Variants in SPATA13 observed in about 807,000 individuals in gnomAD.
SPATA13 encodes the protein spermatogenesis-associated protein 13.
Under a neutral mutation model 104.0 loss-of-function variants are expected in SPATA13, and 50 were observed. The ratio of observed to expected loss-of-function variants is 0.48; its 90% CI spans 0.38 to 0.61. SPATA13 has a LOEUF of 0.61. SPATA13 is among the 20% of genes least tolerant of loss of function. The pLI, the probability that SPATA13 is intolerant of heterozygous loss-of-function variation, is 0.00. For missense variants in SPATA13, 1,524 were observed against 1,690.6 expected, an observed-to-expected ratio of 0.90 and a Z score of 1.73; for synonymous variants, 606 against 667.5, an observed-to-expected ratio of 0.91 and a Z score of 1.42.
At chr13:24,029,086 T>A (rs1877360952) in intron 3 of SPATA13, among the ~76,000 whole-genome samples, 1 of 152,154 alleles carries the variant, frequency 6.6e-6, no homozygotes, top group Non-Finnish European at 1.5e-5. Flanking sequence ...ATTATCGAAT[T>A]TATTTTTAAT....
At chr13:24,142,155 T>C (rs923847324) in intron 3 of SPATA13, among the ~76,000 whole-genome samples, 6 of 149,088 alleles carry the variant, frequency 4.0e-5, no homozygotes, top group African/African-American at 1.5e-4. Flanking sequence ...GACAGAGGGG[T>C]CTTATGTATC....
rs376630392 is a variant in SPATA13 at position 24,082,648 on chromosome 13, G to A, written c.-112+64947G>A. 1.2e-3 allele frequency among the ~76,000 whole-genome samples: 178 copies of A among 150,540 alleles called. 5 individuals are homozygous for A. The East Asian group carries it at 0.026, about 22-fold the overall frequency. Reference sequence around the variant, plus strand: ...ATCCTGGCTAACAAGGTGAAACCCCGTCTCTACTAAAAATACAAAAAATTA... The same window carrying A: ...ATCCTGGCTAACAAGGTGAAACCCCATCTCTACTAAAAATACAAAAAATTA... On this transcript the variant is annotated intron_variant, in intron 3 of 14. Coordinates refer to the SPATA13 transcript ENST00000424834.
At position 24,294,724 on chromosome 13, in the gene SPATA13, C is replaced by T. The variant is rs200954083; in HGVS notation, c.3081-15C>T. On this transcript the variant is annotated splice_polypyrimidine_tract_variant and intron_variant, in intron 9 of 12. Transcript: ENST00000382108. ...GTGCATGTTATGTGATTAAAATTAACCTCCCATCTTGCAGTGATTACAGCA... is the reference window on the plus strand; with the variant it reads ...GTGCATGTTATGTGATTAAAATTAATCTCCCATCTTGCAGTGATTACAGCA... The T allele has an allele frequency of 1.9e-6, 3 of 1,570,076 alleles. No homozygotes were observed. The African/African-American group carries it at 4.0e-5, about 21-fold the overall frequency.
At position 24,060,757 on chromosome 13, in the gene SPATA13, A is replaced by G. The variant is rs115013593; in HGVS notation, c.-112+43056A>G. ...CAAATTTAGAAGAGAAAAGCAAACA[A>G]CTCCATTAAAAATGGACAAATGCGG... On this transcript the variant is annotated intron_variant, in intron 3 of 14. Transcript: ENST00000424834. Among the ~76,000 whole-genome samples, 770 of 152,154 alleles carry G rather than the reference A, an allele frequency of 5.1e-3. 10 individuals carry two copies. The highest frequency in any genetic ancestry group is 0.018 in the African/African-American group (738 of 41,508).
chr13:24,019,406 A>G lies in SPATA13; in HGVS notation c.-112+1705A>G, dbSNP rs1876875004. On this transcript the variant is annotated intron_variant, in intron 3 of 14. Transcript: ENST00000424834. The stretch of plus-strand genomic sequence containing the variant: ...CCCGGCCATGATTCTTATTTATAAA[A>G]GAAAAACAGTATATAGTTTTATACT... Among the ~76,000 whole-genome samples the G allele has an allele frequency of 1.3e-5, 2 of 152,220 alleles. 1 individual carries two copies. Among genetic ancestry groups the G allele is most frequent in the South Asian group, 4.1e-4 (2 of 4,838 alleles).
intron 2 of SPATA13, among the ~76,000 whole-genome samples, chr13:24,016,161 A>G (rs1486820026): frequency 6.6e-6 from 1 of 151,952 alleles, no homozygotes; most frequent in African/African-American, 2.4e-5. Context: ...ACCTGCCCGG[A>G]ATTGTGTTTG....
chr13:24,298,447 A>C (rs1876946373), intron 11 of SPATA13, among the ~76,000 whole-genome samples: 1 of 152,152 alleles, frequency 6.6e-6, no homozygotes, highest in Non-Finnish European at 1.5e-5. Flanking sequence ...GCTGACCTGG[A>C]GGTGCAGTGT....
At chr13:23,999,523 G>T (rs1284747947) in intron 2 of SPATA13, among the ~76,000 whole-genome samples, 1 of 152,182 alleles carries the variant, frequency 6.6e-6, no homozygotes, top group African/African-American at 2.4e-5. Flanking sequence ...AACAGCAGGT[G>T]ATAGTTTTAA....
intron 2 of SPATA13, among the ~76,000 whole-genome samples, chr13:24,005,245 CTG>C (rs1876169595): frequency 6.6e-6 from 1 of 152,136 alleles, no homozygotes; most frequent in South Asian, 2.1e-4. Flanking sequence ...CATTTGAAAA[CTG>C]TTTTGATTCT....
intron 1 of SPATA13, among the ~76,000 whole-genome samples, chr13:24,175,217 A>G (rs1209011359): frequency 6.8e-6 from 1 of 146,660 alleles, no homozygotes; most frequent in Non-Finnish European, 1.5e-5. Context: ...CTCAGTAGTG[A>G]TGCTTGTTTT....
At chr13:24,001,253 T>C (rs1402181201) in intron 2 of SPATA13, among the ~76,000 whole-genome samples, 1 of 152,016 alleles carries the variant, frequency 6.6e-6, no homozygotes, top group African/African-American at 2.4e-5. Flanking sequence ...GTTACATCGC[T>C]GAGGTGGAGG....
intron 7 of SPATA13, among the ~76,000 whole-genome samples, chr13:24,288,055 G>T (rs1876087637): frequency 6.6e-6 from 1 of 152,202 alleles, no homozygotes; most frequent in Non-Finnish European, 1.5e-5. Flanking sequence ...ATGAGTGTGT[G>T]GCGAAAGAAG....
At position 24,303,286 on chromosome 13, in the gene SPATA13, G is replaced by A. The variant is rs1877345780; in HGVS notation, c.*513G>A. On this transcript the variant is annotated 3_prime_UTR_variant, in exon 13 of 13. Transcript: ENST00000382108. The stretch of plus-strand genomic sequence containing the variant: ...CTTACTCTCTTCTGTAATACTGGGG[G>A]ACCTACAGCTGCCGTGGGGCTGACC... The A allele has an allele frequency of 2.6e-6, 1 of 389,444 alleles. No individual in the cohort carries two copies. The highest frequency in any genetic ancestry group is 5.2e-6 in the Non-Finnish European group (1 of 193,294). 24.1% of individuals were successfully genotyped at this position (389,444 alleles called of 1,614,324 possible).
chr13:24,281,836 G>A (rs1410112740), intron 4 of SPATA13, among the ~76,000 whole-genome samples: 2 of 152,144 alleles, frequency 1.3e-5, no homozygotes, highest in Non-Finnish European at 2.9e-5. Context: ...AGGCGCCGCT[G>A]GCAGCACGTG....
At chr13:24,082,559 G>A (rs1362037975) in intron 3 of SPATA13, among the ~76,000 whole-genome samples, 2 of 151,998 alleles carry the variant, frequency 1.3e-5, no homozygotes, top group Non-Finnish European at 2.9e-5. Flanking sequence ...GGTGGCTCAC[G>A]CCTGTAATCC....
intron 4 of SPATA13, chr13:24,278,801 G>A (rs1875210977): frequency 1.9e-6 from 3 of 1,600,348 alleles, no homozygotes; most frequent in Non-Finnish European, 2.5e-6. Context: ...GAAAAAAAAT[G>A]TGCATCGCTA....
chr13:24,118,993 C>T (rs1880946186), intron 3 of SPATA13, among the ~76,000 whole-genome samples: 1 of 150,978 alleles, frequency 6.6e-6, no homozygotes, highest in African/African-American at 2.4e-5. Context: ...GCAACCTCCA[C>T]CTCCTGGGTT....
rs1033852 is a variant in SPATA13 at position 24,250,615 on chromosome 13, A to G, written c.2019+773A>G. Reference sequence around the variant, plus strand: ...AAAATTATCTTAAAAGGGAACTCCTATGGAGTACTAGTACTGGATTGTATA... The same window carrying G: ...AAAATTATCTTAAAAGGGAACTCCTGTGGAGTACTAGTACTGGATTGTATA... On this transcript the variant is annotated intron_variant, in intron 3 of 12. Coordinates refer to ENST00000382108, the MANE Select transcript of SPATA13 (RefSeq NM_001166271.3). Among the ~76,000 whole-genome samples, 751 of 152,350 alleles carry G rather than the reference A, an allele frequency of 4.9e-3. 8 individuals are homozygous for G. Among genetic ancestry groups the G allele is most frequent in the Admixed American group, 0.017 (265 of 15,304 alleles).
chr13:24,277,312 C>T (rs1015458849), intron 4 of SPATA13, among the ~76,000 whole-genome samples: 8 of 151,820 alleles, frequency 5.3e-5, no homozygotes, highest in South Asian at 2.1e-4. Context: ...GGTGTGGTGG[C>T]GGGCGCCTGT....
Sources: allele counts gnomAD v4.1 joint callset (sites outside exome capture counted in the v4.1 genomes callset), GRCh38; gene constraint gnomAD v4.1.1; transcripts MANE v1.5; gene names NCBI Gene and HGNC (gene_info 2026-07-23, HGNC 2026-07-21).